CTNNA2: variants seen among roughly 807,000 people sequenced by gnomAD.
CTNNA2 encodes the protein catenin alpha-2.
In CTNNA2, 42 loss-of-function variants were observed where a neutral mutation model predicts 101.0. The ratio of observed to expected loss-of-function variants is 0.42; its 90% CI spans 0.32 to 0.54. The LOEUF is 0.54. CTNNA2 is among the 20% of genes least tolerant of loss of function. The pLI is 0.14. For missense variants in CTNNA2, 871 were observed against 1,223.1 expected (o/e 0.71, Z 4.29); for synonymous variants, 450 against 456.4 (o/e 0.99, Z 0.18).
At chr2:79,332,171 G>T (rs972453124) in intron 3 of CTNNA2, among the ~76,000 whole-genome samples, 1 of 151,944 alleles carries the variant, frequency 6.6e-6, no homozygotes, top group South Asian at 2.1e-4. Context: ...TAACCCAAAG[G>T]CTTGTGAATA....
At chr2:79,750,062 G>A (rs1383072397) in intron 3 of CTNNA2, among the ~76,000 whole-genome samples, 2 of 152,160 alleles carry the variant, frequency 1.3e-5, no homozygotes, top group South Asian at 4.1e-4. Context: ...AACTATGAGT[G>A]GATAGATGTG....
chr2:80,406,823 T>A, intron 8 of CTNNA2, among the ~76,000 whole-genome samples: 1 of 98,122 alleles, frequency 1.0e-5, no homozygotes, highest in Non-Finnish European at 1.8e-5. Flanking sequence ...CGAGACTCCA[T>A]CTCAAAAAAA....
chr2:79,259,821 A>T (rs533688447), intron 2 of CTNNA2, among the ~76,000 whole-genome samples: 1 of 152,342 alleles, frequency 6.6e-6, no homozygotes, highest in East Asian at 1.9e-4. Context: ...CTCTGGGAAC[A>T]GACTTGGCAC....
chr2:80,520,848 C>T (rs1014186566), intron 9 of CTNNA2, among the ~76,000 whole-genome samples: 1 of 152,170 alleles, frequency 6.6e-6, no homozygotes, highest in Non-Finnish European at 1.5e-5. Context: ...GATTGGCCTA[C>T]ACTGCCAGAG....
At chr2:79,429,681 C>G (rs1482489973) in intron 4 of CTNNA2, among the ~76,000 whole-genome samples, 1 of 152,044 alleles carries the variant, frequency 6.6e-6, no homozygotes, top group Non-Finnish European at 1.5e-5. Flanking sequence ...GGATTTTATG[C>G]AGTAGGAAAT....
At chr2:80,573,915 T>A (rs1355408301) in intron 12 of CTNNA2, among the ~76,000 whole-genome samples, 2 of 152,100 alleles carry the variant, frequency 1.3e-5, no homozygotes, top group East Asian at 3.9e-4. Context: ...GTGGGCAGGT[T>A]TTAAAAACTT....
intron 7 of CTNNA2, among the ~76,000 whole-genome samples, chr2:80,375,709 C>A (rs558665250): frequency 2.0e-5 from 3 of 151,496 alleles, no homozygotes; most frequent in Non-Finnish European, 4.4e-5. Context: ...GGACTACAGG[C>A]GCCCGCCACA....
intron 4 of CTNNA2, among the ~76,000 whole-genome samples, chr2:79,422,497 T>G (rs1238723366): frequency 1.3e-5 from 2 of 152,156 alleles, no homozygotes; most frequent in African/African-American, 4.8e-5. Flanking sequence ...GACAAATGTA[T>G]GCTAGAGGGA....
chr2:80,502,838 A>C (rs886754193), intron 9 of CTNNA2, among the ~76,000 whole-genome samples: 2 of 152,174 alleles, frequency 1.3e-5, no homozygotes, highest in South Asian at 4.1e-4. Context: ...TTCCCGAGTC[A>C]TTCATTAGCT....
intron 1 of CTNNA2, among the ~76,000 whole-genome samples, chr2:79,543,561 A>T (rs1163918495): frequency 6.6e-6 from 1 of 152,092 alleles, no homozygotes; most frequent in Non-Finnish European, 1.5e-5. Flanking sequence ...CAATCTGACA[A>T]CTTTTTTTTA....
intron 11 of CTNNA2, among the ~76,000 whole-genome samples, chr2:80,554,323 A>G (rs914287220): frequency 6.6e-6 from 1 of 152,164 alleles, no homozygotes; most frequent in Admixed American, 6.5e-5. Flanking sequence ...TTTATGAACT[A>G]TTGGTTGGAT....
At chr2:79,310,271 T>A (rs1676337589) in intron 2 of CTNNA2, among the ~76,000 whole-genome samples, 2 of 152,212 alleles carry the variant, frequency 1.3e-5, no homozygotes, top group African/African-American at 4.8e-5. Flanking sequence ...AAATATTTGG[T>A]ATATTCCTAA....
At chr2:80,623,269 G>GA (rs1671330264) in intron 18 of CTNNA2, among the ~76,000 whole-genome samples, 1 of 151,776 alleles carries the variant, frequency 6.6e-6, no homozygotes, top group Admixed American at 6.6e-5. Flanking sequence ...AATTAGCATG[G>GA]AAAACAAGCA....
intron 6 of CTNNA2, among the ~76,000 whole-genome samples, chr2:79,892,295 A>G (rs1684365754): frequency 6.6e-6 from 1 of 152,176 alleles, no homozygotes; most frequent in Non-Finnish European, 1.5e-5. Context: ...AAGGCTATGT[A>G]TAACAAAACC....
chr2:80,243,773 G>C (rs1671122342), intron 7 of CTNNA2, among the ~76,000 whole-genome samples: 1 of 152,234 alleles, frequency 6.6e-6, no homozygotes, highest in Admixed American at 6.5e-5. Flanking sequence ...GGTTAAATAT[G>C]TAGGAGTAGA....
At chr2:79,769,142 A>G (rs1357221148) in intron 3 of CTNNA2, among the ~76,000 whole-genome samples, 1 of 152,186 alleles carries the variant, frequency 6.6e-6, no homozygotes, top group Non-Finnish European at 1.5e-5. Context: ...GGCATGAGCC[A>G]CTGTGCTCGG....
At chr2:80,314,629 G>T (rs1677925681) in intron 7 of CTNNA2, among the ~76,000 whole-genome samples, 1 of 152,192 alleles carries the variant, frequency 6.6e-6, no homozygotes, top group African/African-American at 2.4e-5. Flanking sequence ...AACAATGGGG[G>T]AGGATGCCTG....
chr2:80,385,530 T>A (rs1398033946), intron 7 of CTNNA2, among the ~76,000 whole-genome samples: 1 of 152,212 alleles, frequency 6.6e-6, no homozygotes, highest in Admixed American at 6.5e-5. Context: ...GATATTTTTG[T>A]TATAGCAGCT....
rs138053282 is a variant in CTNNA2, at chr2:80,078,143, G to T, written c.1056+168346G>T. Among the ~76,000 whole-genome samples, 323 of 152,260 alleles carry T rather than the reference G, an allele frequency of 2.1e-3. 1 individual carries two copies. The highest frequency in any genetic ancestry group is 7.5e-3 in the African/African-American group (313 of 41,560). On this transcript the variant is annotated intron_variant, in intron 7 of 18. Coordinates refer to ENST00000402739, the MANE Select transcript of CTNNA2 (RefSeq NM_001282597.3). Reference sequence around the variant, plus strand: ...TTTCAACCATTTATTAAACTGACTAGATGCTAAGTCCAGTGTTAGGTGCAT... The same window carrying T: ...TTTCAACCATTTATTAAACTGACTATATGCTAAGTCCAGTGTTAGGTGCAT...
Sources: gnomAD v4.1 joint callset for allele counts (sites outside exome capture counted in the v4.1 genomes callset) on GRCh38, gnomAD v4.1.1 for gene constraint, MANE v1.5 for transcripts, NCBI Gene and HGNC (gene_info 2026-07-23, HGNC 2026-07-21) for gene names.